Variants in MAML2 observed in about 807,000 individuals in gnomAD.
MAML2 encodes the protein mastermind like transcriptional coactivator 2.
In MAML2, 22 loss-of-function variants were observed where a neutral mutation model predicts 96.1. That is an observed-to-expected ratio of 0.23 (90% CI 0.16 to 0.33). The LOEUF (loss-of-function observed/expected upper bound fraction) is 0.33. MAML2 is among the 10% of genes least tolerant of loss of function. The pLI is 1.00. For synonymous variants in MAML2, 561 were observed against 521.3 expected (o/e 1.08, Z -1.04); for missense variants, 1,367 against 1,392.4 (o/e 0.98, Z 0.29).
At chr11:96,052,267 T>A (rs562941764) in intron 2 of MAML2, among the ~76,000 whole-genome samples, 4 of 152,176 alleles carry the variant, frequency 2.6e-5, no homozygotes, top group African/African-American at 4.8e-5. Context: ...ATCCATATGA[T>A]ACATTTAGGA....
chr11:96,095,631 A>G (rs555661522), intron 1 of MAML2, among the ~76,000 whole-genome samples: 2 of 152,336 alleles, frequency 1.3e-5, no homozygotes, highest in South Asian at 4.1e-4. Flanking sequence ...AATGAAGCAG[A>G]GGAGAGACAC....
chr11:96,032,292 A>G (rs1256953302), intron 2 of MAML2, among the ~76,000 whole-genome samples: 1 of 152,132 alleles, frequency 6.6e-6, no homozygotes, highest in East Asian at 1.9e-4. Flanking sequence ...TAAGATAAAT[A>G]AAAAGTTATG....
intron 1 of MAML2, among the ~76,000 whole-genome samples, chr11:96,316,863 C>T (rs185504860): frequency 1.3e-5 from 2 of 151,932 alleles, no homozygotes; most frequent in African/African-American, 4.9e-5. Context: ...GGTGCCCAGA[C>T]AGGGGATTCA....
intron 2 of MAML2, among the ~76,000 whole-genome samples, chr11:96,044,520 T>C (rs1388910827): frequency 6.6e-6 from 1 of 152,140 alleles, no homozygotes. Flanking sequence ...AGAATTCCTA[T>C]TAAAACACAA....
chr11:96,106,031 A>T (rs1352023591), intron 1 of MAML2, among the ~76,000 whole-genome samples: 2 of 152,198 alleles, frequency 1.3e-5, no homozygotes, highest in Non-Finnish European at 2.9e-5. Flanking sequence ...CTTGCCACTT[A>T]TGGAAAATGT....
chr11:95,999,672 G>C, intron 2 of MAML2, among the ~76,000 whole-genome samples: 1 of 151,990 alleles, frequency 6.6e-6, no homozygotes, highest in East Asian at 1.9e-4. Flanking sequence ...GAAGGGGACT[G>C]TATAATGATT....
chr11:96,055,587 G>A (rs902069508), intron 2 of MAML2, among the ~76,000 whole-genome samples: 3 of 152,196 alleles, frequency 2.0e-5, no homozygotes, highest in Non-Finnish European at 4.4e-5. Flanking sequence ...TTGCTCCAGT[G>A]CTTTGTAAAG....
At chr11:96,214,194 G>A (rs1003351655) in intron 1 of MAML2, among the ~76,000 whole-genome samples, 1 of 152,124 alleles carries the variant, frequency 6.6e-6, no homozygotes, top group African/African-American at 2.4e-5. Context: ...AATAAAAAAT[G>A]AATACTTCCT....
At chr11:96,306,500 T>G (rs1017169160) in intron 1 of MAML2, among the ~76,000 whole-genome samples, 1 of 152,244 alleles carries the variant, frequency 6.6e-6, no homozygotes, top group South Asian at 2.1e-4. Flanking sequence ...TATGTGGATC[T>G]ATGTATTAAT....
At chr11:96,279,828 T>C (rs956584911) in intron 1 of MAML2, among the ~76,000 whole-genome samples, 30 of 152,308 alleles carry the variant, frequency 2.0e-4, no homozygotes, top group African/African-American at 7.2e-4. Context: ...GGGTGTGTTA[T>C]AACCCACAGT....
At chr11:96,048,871 G>A (rs138702020) in intron 2 of MAML2, among the ~76,000 whole-genome samples, 100 of 152,166 alleles carry the variant, frequency 6.6e-4, no homozygotes, top group Admixed American at 1.2e-3. Flanking sequence ...AAATTCTTTC[G>A]TTGCACAGAT....
At chr11:96,222,302 T>C (rs1862151653) in intron 1 of MAML2, among the ~76,000 whole-genome samples, 1 of 152,194 alleles carries the variant, frequency 6.6e-6, no homozygotes, top group South Asian at 2.1e-4. Flanking sequence ...CCATGGAATG[T>C]GGCGCTCAGC....
chr11:96,331,328 T>C (rs1263746749), intron 1 of MAML2, among the ~76,000 whole-genome samples: 2 of 152,182 alleles, frequency 1.3e-5, no homozygotes, highest in Non-Finnish European at 2.9e-5. Flanking sequence ...CTACTCTTAC[T>C]ACCAAAATAT....
intron 2 of MAML2, among the ~76,000 whole-genome samples, chr11:96,061,008 C>A (rs944399157): frequency 1.3e-5 from 2 of 152,128 alleles, no homozygotes; most frequent in African/African-American, 4.8e-5. Context: ...CTAGAACGAG[C>A]TTTCTTAATC....
At chr11:96,167,580 C>T (rs1228084194) in intron 1 of MAML2, among the ~76,000 whole-genome samples, 1 of 152,198 alleles carries the variant, frequency 6.6e-6, no homozygotes, top group African/African-American at 2.4e-5. Context: ...GGCACCTTTG[C>T]TCCTGTCACA....
chr11:96,334,743 C>T (rs1591138126), intron 1 of MAML2, among the ~76,000 whole-genome samples: 2 of 152,270 alleles, frequency 1.3e-5, no homozygotes, highest in African/African-American at 4.8e-5. Context: ...TAAAAAGGAC[C>T]CATGCATACA....
chr11:96,102,145 G>A (rs1049210487), intron 1 of MAML2, among the ~76,000 whole-genome samples: 1 of 152,068 alleles, frequency 6.6e-6, no homozygotes, highest in Non-Finnish European at 1.5e-5. Flanking sequence ...GCGTGGTGGC[G>A]GGTGCCTGTA....
At chr11:96,326,657 G>C (rs934455566) in intron 1 of MAML2, among the ~76,000 whole-genome samples, 44 of 151,874 alleles carry the variant, frequency 2.9e-4, no homozygotes, top group African/African-American at 4.8e-5. Flanking sequence ...AATTAGCCAG[G>C]TATGGTGTGA....
intron 1 of MAML2, among the ~76,000 whole-genome samples, chr11:96,095,657 G>A (rs928937897): frequency 2.6e-5 from 4 of 152,096 alleles, no homozygotes; most frequent in Non-Finnish European, 4.4e-5. Flanking sequence ...AATACCATTC[G>A]GGGGCTTGTT....
Sources: allele counts gnomAD v4.1 joint callset (sites outside exome capture counted in the v4.1 genomes callset), GRCh38; gene constraint gnomAD v4.1.1; transcripts MANE v1.5; gene names NCBI Gene and HGNC (gene_info 2026-07-23, HGNC 2026-07-21).